The following SNX18 variants were observed in gnomAD, a reference collection of about 807,000 sequenced individuals.
SNX18 encodes sorting nexin 18.
Under a neutral mutation model 48.7 loss-of-function variants are expected in SNX18, and 35 were observed. That is an observed-to-expected ratio of 0.72 (90% CI 0.55 to 0.95). The LOEUF (loss-of-function observed/expected upper bound fraction) is 0.95, where lower values mean the gene tolerates loss of function less well. Ranked by LOEUF, SNX18 falls within the 40% of genes least tolerant of loss-of-function variation. SNX18 has a pLI of 0.00. For missense variants in SNX18, 824 were observed against 871.0 expected, an observed-to-expected ratio of 0.95 and a Z score of 0.68; for synonymous variants, 492 against 384.7, an observed-to-expected ratio of 1.28 and a Z score of -3.26.
At chr5:54,601,300 C>T in the SNX18 span, among the ~76,000 whole-genome samples, 3 of 152,162 alleles carry the variant, frequency 2.0e-5, no homozygotes, top group Admixed American at 2.0e-4. Context: ...CTATCTAGTC[C>T]TCTCTTTTAT....
the SNX18 span, among the ~76,000 whole-genome samples, chr5:54,611,798 G>T: frequency 1.2e-4 from 19 of 152,208 alleles, no homozygotes; most frequent in Non-Finnish European, 1.8e-4. Flanking sequence ...GTTTGAGGGG[G>T]GATGTTTACA....
the SNX18 span, among the ~76,000 whole-genome samples, chr5:54,564,291 T>TA: frequency 8.6e-5 from 13 of 150,982 alleles, no homozygotes; most frequent in Non-Finnish European, 1.6e-4. Context: ...AATAAATAAA[T>TA]AACAAAATAA....
the SNX18 span, among the ~76,000 whole-genome samples, chr5:54,570,948 T>C: frequency 6.6e-6 from 1 of 152,158 alleles, no homozygotes; most frequent in East Asian, 1.9e-4. Flanking sequence ...TGCTTCCAGT[T>C]CTCCAGCCAC....
At chr5:54,534,333 T>C (rs1030722751) in intron 1 of SNX18, among the ~76,000 whole-genome samples, 1 of 151,036 alleles carries the variant, frequency 6.6e-6, no homozygotes, top group Admixed American at 6.6e-5. Context: ...AGACAAAACA[T>C]ACTGAGAATA....
At chr5:54,577,483 T>G in the SNX18 span, among the ~76,000 whole-genome samples, 2 of 151,732 alleles carry the variant, frequency 1.3e-5, no homozygotes, top group African/African-American at 4.8e-5. Context: ...GGTCTACGGC[T>G]TTTGCTTTTG....
chr5:54,584,226 A>G, the SNX18 span, among the ~76,000 whole-genome samples: 3,567 of 151,506 alleles, frequency 0.024, 60 homozygotes, highest in Non-Finnish European at 0.038. Context: ...AATTTTTTAT[A>G]TTTTAGTAGA....
the SNX18 span, among the ~76,000 whole-genome samples, chr5:54,619,900 A>G: frequency 6.6e-6 from 1 of 152,180 alleles, no homozygotes; most frequent in Admixed American, 6.5e-5. Flanking sequence ...TGAGTAGAGA[A>G]AAGTCAATTA....
At chr5:54,551,947 T>C in the SNX18 span, among the ~76,000 whole-genome samples, 1 of 152,200 alleles carries the variant, frequency 6.6e-6, no homozygotes, top group Non-Finnish European at 1.5e-5. Context: ...AAAATAGTGA[T>C]ATGCTAGCCC....
At chr5:54,574,594 G>T in the SNX18 span, among the ~76,000 whole-genome samples, 5 of 152,192 alleles carry the variant, frequency 3.3e-5, no homozygotes, top group Non-Finnish European at 7.3e-5. Flanking sequence ...GGTTATTAGG[G>T]ACAGTTAGCA....
the SNX18 span, among the ~76,000 whole-genome samples, chr5:54,579,534 C>T: frequency 1.5e-3 from 235 of 152,230 alleles, 1 homozygote; most frequent in African/African-American, 5.5e-3. Context: ...CTCCTTCATC[C>T]ATCTATTTAC....
chr5:54,569,546 G>C, the SNX18 span, among the ~76,000 whole-genome samples: 30 of 152,306 alleles, frequency 2.0e-4, no homozygotes, highest in South Asian at 6.2e-4. Context: ...GGGATGACTG[G>C]AGCATCTAGG....
At chr5:54,590,373 G>T in the SNX18 span, among the ~76,000 whole-genome samples, 132 of 152,286 alleles carry the variant, frequency 8.7e-4, no homozygotes, top group African/African-American at 3.1e-3. Flanking sequence ...ATCCTACTCT[G>T]AATCACTTCC....
chr5:54,560,948 G>A, the SNX18 span, among the ~76,000 whole-genome samples: 71 of 152,266 alleles, frequency 4.7e-4, no homozygotes, highest in East Asian at 9.5e-3. Context: ...ACCACCAAAG[G>A]GGTGACATCT....
the SNX18 span, among the ~76,000 whole-genome samples, chr5:54,576,731 C>G: frequency 6.6e-6 from 1 of 152,194 alleles, no homozygotes; most frequent in Non-Finnish European, 1.5e-5. Flanking sequence ...ACACAGAAAC[C>G]TTGAAGGCCT....
downstream of SNX18, among the ~76,000 whole-genome samples, chr5:54,548,347 T>C (rs1362131519): frequency 6.6e-6 from 1 of 152,208 alleles, no homozygotes; most frequent in Non-Finnish European, 1.5e-5. Flanking sequence ...GATCTCTAAG[T>C]CTGAAGTGGC....
At chr5:54,559,278 C>G in the SNX18 span, among the ~76,000 whole-genome samples, 1 of 152,086 alleles carries the variant, frequency 6.6e-6, no homozygotes, top group African/African-American at 2.4e-5. Context: ...CAATTCTAAC[C>G]AAAAAGAAGA....
At chr5:54,520,895 C>T (rs924150817) in intron 1 of SNX18, 4 of 167,088 alleles carry the variant, frequency 2.4e-5, no homozygotes, top group African/African-American at 7.2e-5. Flanking sequence ...TTTTAGTAGA[C>T]AGTAGTAACT....
At position 54,518,463 on chromosome 5, in the gene SNX18, C is replaced by G; in HGVS notation, c.511C>G (p.Leu171Val). 6.4e-7 allele frequency: 1 copy of G among 1,571,278 alleles called. No homozygotes were observed. Among genetic ancestry groups the G allele is most frequent in the South Asian group, 1.2e-5 (1 of 86,724 alleles). The change falls in exon 1 of 2, where the codon CTG (leucine) becomes GTG (valine). Residue 171 changes from leucine (L) to valine (V), a missense_variant. This residue lies in a region of SNX18 where 377 missense variants were observed against 350.6 expected (regional missense o/e 1.08). Transcript: ENST00000381410. ...SSTVADEPGA[L>V]GSGAYPDLDG... The stretch of plus-strand genomic sequence containing the variant: ...CACGGTGGCGGACGAGCCGGGCGCT[C>G]TGGGCAGCGGAGCATACCCGGACCT...
the SNX18 span, among the ~76,000 whole-genome samples, chr5:54,601,897 G>A: frequency 6.6e-6 from 1 of 152,036 alleles, no homozygotes; most frequent in African/African-American, 2.4e-5. Flanking sequence ...GAAAAAAAAG[G>A]GCACATTAGA....
Sources: gnomAD v4.1 joint callset for allele counts (sites outside exome capture counted in the v4.1 genomes callset) on GRCh38, gnomAD v4.1.1 for gene constraint, gnomAD v4.1.1 regional missense constraint, MANE v1.5 for transcripts, NCBI Gene and HGNC (gene_info 2026-07-23, HGNC 2026-07-21) for gene names.